The following MORC4 variants were observed in gnomAD, a reference collection of about 807,000 sequenced individuals.
The protein encoded by MORC4 is MORC family CW-type zinc finger 4, also known as MORC family CW-type zinc finger protein 4.
In MORC4, 22 loss-of-function variants were observed where a neutral mutation model predicts 65.5. The observed-to-expected ratio is 0.34, with a 90% CI of 0.24 to 0.48. The LOEUF is 0.48. Ranked by LOEUF, MORC4 falls within the 20% of genes least tolerant of loss-of-function variation. The pLI, the probability that MORC4 is intolerant of heterozygous loss-of-function variation, is 0.99. For synonymous variants in MORC4, 267 were observed against 255.8 expected (o/e 1.04, Z -0.42); for missense variants, 624 against 703.0 (o/e 0.89, Z 1.27).
At chrX:106,953,401 A>G (rs1056030962) in intron 14 of MORC4, among the ~76,000 whole-genome samples, 9 of 111,666 alleles carry the variant, frequency 8.1e-5, no homozygotes, top group African/African-American at 2.9e-4. Flanking sequence ...CCAGGAGACC[A>G]GGGTAAAAAG....
At chrX:106,941,810 GTAAT>G in intron 16 of MORC4, 124 bp downstream of exon 16, 2 of 848,379 alleles carry the variant, frequency 2.4e-6, no homozygotes, top group Non-Finnish European at 3.3e-6. Context: ...TTTCTAAGAA[GTAAT>G]TACTCAATTC....
chrX:106,944,095 A>G (rs1161966295), intron 14 of MORC4, among the ~76,000 whole-genome samples: 1 of 112,393 alleles, frequency 8.9e-6, no homozygotes, highest in Non-Finnish European at 1.9e-5. Flanking sequence ...TCAACTTTCA[A>G]ATTTTCAATG....
chrX:106,990,568 T>G (rs1230885154), intron 3 of MORC4, among the ~76,000 whole-genome samples: 1 of 112,569 alleles, frequency 8.9e-6, no homozygotes, highest in Non-Finnish European at 1.9e-5. Context: ...TTAAATGATC[T>G]CTTTTAAATA....
intron 9 of MORC4, among the ~76,000 whole-genome samples, chrX:106,962,915 A>AT (rs1400527529): frequency 1.8e-5 from 2 of 111,971 alleles, no homozygotes; most frequent in Non-Finnish European, 3.8e-5. Flanking sequence ...AGAATTCAGA[A>AT]TTTTTTAAAT....
At chrX:106,952,171 C>T (rs1933989754) in intron 14 of MORC4, among the ~76,000 whole-genome samples, 1 of 111,012 alleles carries the variant, frequency 9.0e-6, no homozygotes, top group African/African-American at 3.3e-5. Context: ...TACAGTCGTG[C>T]ATTACTTAAT....
intron 9 of MORC4, among the ~76,000 whole-genome samples, chrX:106,966,732 A>T (rs1934381427): frequency 8.9e-6 from 1 of 112,661 alleles, no homozygotes; most frequent in Non-Finnish European, 1.9e-5. Flanking sequence ...TGGCAGAGGG[A>T]GGGGCATCTG....
chrX:106,960,972 T>C (rs1458326136), intron 10 of MORC4, among the ~76,000 whole-genome samples: 1 of 112,157 alleles, frequency 8.9e-6, no homozygotes. Flanking sequence ...GATGGTGGTG[T>C]AACTGACTGT....
Position 106,942,388 on chromosome X carries a change from C to T in MORC4, c.2376+127G>A. ...TACTACAGTTACTCTATCTGAAACA[C>T]ACCACAGAATAGTTCAGGGGCATAT... On this transcript the variant is annotated intron_variant, in intron 15 of 16. Coordinates refer to ENST00000355610, the MANE Select transcript of MORC4 (RefSeq NM_024657.5). The T allele has an allele frequency of 3.4e-6, 3 of 873,947 alleles. No homozygotes were observed. In the Admixed American group the frequency reaches 9.4e-5, roughly 27 times the overall value. The allele number at this position is 873,947 out of a possible 1,213,427, so 72.0% of individuals were successfully genotyped here. A position where few individuals can be genotyped will look rare whatever the true frequency, so the allele number is the denominator to read the frequency against.
At chrX:106,976,537 A>C in intron 9 of MORC4, 47 bp downstream of exon 9, 1 of 837,876 alleles carries the variant, frequency 1.2e-6, no homozygotes, top group South Asian at 2.2e-5. Context: ...GAACAGAATC[A>C]TATCTGAACA....
intron 14 of MORC4, among the ~76,000 whole-genome samples, chrX:106,951,648 C>T (rs951737045): frequency 6.3e-5 from 7 of 111,387 alleles, no homozygotes; most frequent in South Asian, 3.8e-4. Context: ...GTATAAGAGG[C>T]GTGAGGTACT....
chrX:106,968,446 G>A (rs767792213), intron 9 of MORC4, among the ~76,000 whole-genome samples: 17 of 109,694 alleles, frequency 1.5e-4, no homozygotes, highest in African/African-American at 5.3e-4. Context: ...ATAATGACAG[G>A]ATCAAATTCA....
chrX:106,988,324 T>C (rs1569308241), intron 3 of MORC4, among the ~76,000 whole-genome samples: 1 of 112,124 alleles, frequency 8.9e-6, no homozygotes, highest in East Asian at 2.8e-4. Flanking sequence ...TTCCACCATC[T>C]ATCACCTCTT....
Position 106,955,012 on chromosome X carries a change from C to A in MORC4, c.1586G>T (p.Gly529Val). The change falls in exon 14 of 17, where the codon GGA becomes GTA. Residue 529 changes from glycine (G) to valine (V), a missense_variant. Transcript: ENST00000355610. ...AGGAAGCACACTAGGGCTATGAATT[C>A]CCTCATATCCAATTGTCTTGTTATT... ...GLNNKTIGYE[G>V]IHSPSVLPSG... The A allele has an allele frequency of 8.3e-7, 1 of 1,203,739 alleles. No homozygotes were observed. The highest frequency in any genetic ancestry group is 3.0e-5 in the East Asian group (1 of 33,758).
intron 9 of MORC4, among the ~76,000 whole-genome samples, chrX:106,965,593 C>A (rs1934355115): frequency 8.9e-6 from 1 of 111,923 alleles, no homozygotes; most frequent in Non-Finnish European, 1.9e-5. Context: ...ACTACTATAA[C>A]AAATACCTAA....
Position 107,000,044 on chromosome X carries a change from C to T in MORC4, c.-75G>A. On this transcript the variant is annotated 5_prime_UTR_variant, in exon 1 of 17. It adds an upstream start codon to the 5' untranslated region. Coordinates refer to ENST00000355610, the MANE Select transcript of MORC4 (RefSeq NM_024657.5). ...GCGGTCCGGGACTAGCCCTCGCTCA[C>T]TTCCACTCGCAGCTGGCGGCGACCG... 2.5e-6 allele frequency: 1 copy of T among 405,178 alleles called. No individual in the cohort carries two copies. 33.4% of individuals were successfully genotyped at this position (405,178 alleles called of 1,213,427 possible).
intron 2 of MORC4, among the ~76,000 whole-genome samples, chrX:106,994,885 T>C (rs2036872314): frequency 9.0e-6 from 1 of 111,368 alleles, no homozygotes; most frequent in Non-Finnish European, 1.9e-5. Context: ...TAGTTGTACA[T>C]ATTTATAGAA....
chrX:106,994,779 T>A (rs752051355), intron 2 of MORC4, among the ~76,000 whole-genome samples: 9 of 111,054 alleles, frequency 8.1e-5, no homozygotes, highest in African/African-American at 3.0e-4. Flanking sequence ...CAATCTTTTT[T>A]TTTTCTTTTT....
At chrX:106,990,600 G>A (rs761868223) in intron 3 of MORC4, among the ~76,000 whole-genome samples, 13 of 112,457 alleles carry the variant, frequency 1.2e-4, no homozygotes, top group African/African-American at 3.5e-4. Context: ...CACCGGGCAC[G>A]GTGGCTCATG....
Position 106,956,492 on chromosome X carries a change from AT to A in MORC4, c.1496del (p.Asn499MetfsTer22). On this transcript the variant is annotated frameshift_variant, in exon 13 of 17. Coordinates refer to ENST00000355610, the MANE Select transcript of MORC4 (RefSeq NM_024657.5). LOFTEE classifies it high-confidence loss of function. Reference protein sequence around the residue: ...VEEKKKMPMENENHQVFSNPP... With the variant: ...VEEKKKMPMEXENHQVFSNPP... ...CACTGCCTCTCACCTGGTGGTTCTCATTTTCCATAGGCATCTTCTTCTTCTC... is the reference window on the plus strand; with the variant it reads ...CACTGCCTCTCACCTGGTGGTTCTCATTTCCATAGGCATCTTCTTCTTCTC... The A allele has an allele frequency of 8.3e-7, 1 of 1,207,881 alleles. No homozygotes were observed. The highest frequency in any genetic ancestry group is 1.1e-6 in the Non-Finnish European group (1 of 891,852).
Sources: allele counts gnomAD v4.1 joint callset (sites outside exome capture counted in the v4.1 genomes callset), GRCh38; gene constraint gnomAD v4.1.1; transcripts MANE v1.5; gene names NCBI Gene and HGNC (gene_info 2026-07-23, HGNC 2026-07-21).